Variants in TXLNB observed in about 807,000 individuals in gnomAD.
TXLNB encodes the protein beta-taxilin.
A neutral mutation model predicts 57.4 loss-of-function variants in TXLNB; 37 were observed. The observed-to-expected ratio is 0.64, with a 90% CI of 0.50 to 0.85. The LOEUF (loss-of-function observed/expected upper bound fraction) is 0.85, where lower values mean the gene tolerates loss of function less well. TXLNB is among the 40% of genes least tolerant of loss of function. TXLNB has a pLI of 0.00. For missense variants in TXLNB, 848 were observed against 825.6 expected (o/e 1.03, Z -0.33); for synonymous variants, 302 against 309.6 (o/e 0.98, Z 0.26).
At chr6:139,307,923 G>A in the TXLNB span, among the ~76,000 whole-genome samples, 3 of 152,094 alleles carry the variant, frequency 2.0e-5, no homozygotes, top group Non-Finnish European at 4.4e-5. Flanking sequence ...AAACACATGG[G>A]TCTAGGGACC....
chr6:139,294,014 A>G (rs1014050049), upstream of TXLNB, among the ~76,000 whole-genome samples: 97 of 152,212 alleles, frequency 6.4e-4, 1 homozygote, highest in Non-Finnish European at 1.9e-4. Context: ...ACTTAACAGA[A>G]TAATTTAAAT....
the TXLNB span, among the ~76,000 whole-genome samples, chr6:139,197,006 C>T: frequency 2.0e-5 from 3 of 152,280 alleles, no homozygotes; most frequent in Admixed American, 6.5e-5. Flanking sequence ...TGCCCTATAA[C>T]CTAACATGTT....
At chr6:139,160,554 T>C in the TXLNB span, among the ~76,000 whole-genome samples, 1 of 152,160 alleles carries the variant, frequency 6.6e-6, no homozygotes. Flanking sequence ...GCTGGGACTA[T>C]AGGCACATGC....
the TXLNB span, among the ~76,000 whole-genome samples, chr6:139,200,323 G>T: frequency 6.6e-6 from 1 of 151,956 alleles, no homozygotes. Flanking sequence ...TGGTGTCTAC[G>T]ATCTAGGCTA....
At chr6:139,195,307 A>T in the TXLNB span, among the ~76,000 whole-genome samples, 1 of 152,114 alleles carries the variant, frequency 6.6e-6, no homozygotes, top group Non-Finnish European at 1.5e-5. Flanking sequence ...CATTCCTTTC[A>T]CTTGGTAGTT....
the TXLNB span, chr6:139,170,678 TAGGGAGAGA>T: frequency 6.6e-6 from 1 of 152,032 alleles, no homozygotes; most frequent in African/African-American, 2.4e-5. Flanking sequence ...AGGAGTAGGA[TAGGGAGAGA>T]AGGGAGAGAA....
chr6:139,301,884 A>G, the TXLNB span, among the ~76,000 whole-genome samples: 1 of 152,202 alleles, frequency 6.6e-6, no homozygotes, highest in East Asian at 1.9e-4. Context: ...CTAAAACAAA[A>G]CAAAACAAAA....
At chr6:139,259,510 C>T (rs1231282217) in intron 6 of TXLNB, among the ~76,000 whole-genome samples, 1 of 152,226 alleles carries the variant, frequency 6.6e-6, no homozygotes, top group African/African-American at 2.4e-5. Context: ...AGCAGCTCCT[C>T]ATCTGGCAGG....
At chr6:139,200,941 C>G in the TXLNB span, among the ~76,000 whole-genome samples, 1 of 152,140 alleles carries the variant, frequency 6.6e-6, no homozygotes, top group Non-Finnish European at 1.5e-5. Context: ...TTCCTGGTCT[C>G]TATCCAGTCT....
chr6:139,242,712 T>G lies in TXLNB; in HGVS notation c.1869A>C (p.Leu623=). 6.2e-7 allele frequency: 1 copy of G among 1,612,350 alleles called. No individual in the cohort carries two copies. Among genetic ancestry groups the G allele is most frequent in the East Asian group, 2.2e-5 (1 of 44,872 alleles). The stretch of plus-strand genomic sequence containing the variant: ...CAGGCACATCTGCCTCCATCTTCTG[T>G]AGGGAGGCCTCGGTGGGAGCCTGTG... ...QAPQAPTEAS[L]QKMEADVPAP... The change falls in exon 10 of 10, where the codon CTA becomes CTC. Residue 623 remains leucine, a synonymous_variant. Coordinates refer to ENST00000358430, the MANE Select transcript of TXLNB (RefSeq NM_153235.4).
the TXLNB span, chr6:139,167,133 T>C: frequency 6.2e-7 from 1 of 1,614,164 alleles, no homozygotes; most frequent in Non-Finnish European, 8.5e-7. Flanking sequence ...GATGCCCAAG[T>C]GGGCCAGGGG....
At chr6:139,300,686 A>G in the TXLNB span, among the ~76,000 whole-genome samples, 1 of 152,190 alleles carries the variant, frequency 6.6e-6, no homozygotes, top group African/African-American at 2.4e-5. Context: ...TCACAAGGCC[A>G]GGGGTTCGAG....
At chr6:139,322,658 A>C in the TXLNB span, among the ~76,000 whole-genome samples, 4 of 152,120 alleles carry the variant, frequency 2.6e-5, no homozygotes, top group African/African-American at 9.7e-5. Context: ...TTCTATCCTC[A>C]ATACGGTGCA....
the TXLNB span, among the ~76,000 whole-genome samples, chr6:139,225,759 T>C: frequency 1.3e-5 from 2 of 152,184 alleles, no homozygotes; most frequent in Non-Finnish European, 2.9e-5. Flanking sequence ...AATTGATTTA[T>C]ACATTAAATT....
rs762208254 is a variant in TXLNB, at chr6:139,242,798, C to T, written c.1783G>A (p.Val595Ile). ...GACGCCTGATCAGCCTGTGCTCCAA[C>T]AGGGAGACCCTCGCATTGGGTTTCT... The part of the protein sequence containing the change: ...GAETQCEGLP[V>I]GAQADQASWK... The change falls in exon 10 of 10, where the codon GTT becomes ATT. Residue 595 changes from valine (V) to isoleucine (I), a missense_variant. Coordinates refer to ENST00000358430, the MANE Select transcript of TXLNB (RefSeq NM_153235.4). The T allele has an allele frequency of 1.9e-6, 3 of 1,614,168 alleles. No individual in the cohort carries two copies. The highest frequency in any genetic ancestry group is 2.2e-5 in the East Asian group (1 of 44,886).
At position 139,242,649 on chromosome 6, in the gene TXLNB, C is replaced by T; in HGVS notation, c.1932G>A (p.Met644Ile). 6.2e-7 allele frequency: 1 copy of T among 1,609,328 alleles called. No individual in the cohort carries two copies. Among genetic ancestry groups the T allele is most frequent in the Non-Finnish European group, 8.5e-7 (1 of 1,177,930 alleles). Residue 644 changes from methionine to isoleucine, a missense_variant, in exon 10 of 10, where the codon ATG becomes ATA. Met to Ile is a conservative substitution (Grantham distance 10, BLOSUM62 1). Transcript: ENST00000358430. Reference protein sequence around the residue: ...ACAAEEHVAAMVPACEPSRQP... With the variant: ...ACAAEEHVAAIVPACEPSRQP... The stretch of plus-strand genomic sequence containing the variant: ...GCCTACTGGGCTCGCATGCAGGCAC[C>T]ATGGCTGCAACGTGCTCTTCTGCTG...
the TXLNB span, among the ~76,000 whole-genome samples, chr6:139,231,157 AT>A: frequency 6.6e-6 from 1 of 152,168 alleles, no homozygotes; most frequent in East Asian, 1.9e-4. Context: ...CCACACACAC[AT>A]TTCATAAAAC....
chr6:139,252,612 T>G (rs531621972), intron 7 of TXLNB, among the ~76,000 whole-genome samples: 2 of 152,342 alleles, frequency 1.3e-5, no homozygotes, highest in African/African-American at 4.8e-5. Context: ...TCTTCAGCTC[T>G]GGAAGTTCTC....
chr6:139,227,392 C>T, the TXLNB span, among the ~76,000 whole-genome samples: 3 of 152,086 alleles, frequency 2.0e-5, no homozygotes, highest in African/African-American at 4.8e-5. Context: ...TTACTATACG[C>T]TTCCAAATGG....
Sources: gnomAD v4.1 joint callset for allele counts (sites outside exome capture counted in the v4.1 genomes callset) on GRCh38, gnomAD v4.1.1 for gene constraint, MANE v1.5 for transcripts, NCBI Gene and HGNC (gene_info 2026-07-23, HGNC 2026-07-21) for gene names.